DRC5: variants seen among roughly 807,000 people sequenced by gnomAD.
The protein encoded by DRC5 is dynein regulatory complex subunit 5.
chr6:44,289,621 C>T, the DRC5 span, among the ~76,000 whole-genome samples: 1 of 152,182 alleles, frequency 6.6e-6, no homozygotes, highest in Non-Finnish European at 1.5e-5. Context: ...AGGTCCCTTC[C>T]CTTCCATCTC....
the DRC5 span, among the ~76,000 whole-genome samples, chr6:44,283,760 C>A: frequency 6.6e-6 from 1 of 152,364 alleles, no homozygotes; most frequent in South Asian, 2.1e-4. Flanking sequence ...GCATGCCAAT[C>A]TAACTATATT....
At chr6:44,289,010 A>AAG in the DRC5 span, among the ~76,000 whole-genome samples, 11 of 144,252 alleles carry the variant, frequency 7.6e-5, no homozygotes, top group East Asian at 4.0e-4. Flanking sequence ...AAAAAAAAAA[A>AAG]AAAAAAAAAA....
At chr6:44,286,094 T>A in the DRC5 span, 10 of 1,614,134 alleles carry the variant, frequency 6.2e-6, no homozygotes, top group Non-Finnish European at 8.5e-6. Context: ...CTCCTCCAGG[T>A]GGCTCAGGCC....
At chr6:44,292,605 A>T in the DRC5 span, among the ~76,000 whole-genome samples, 1 of 151,812 alleles carries the variant, frequency 6.6e-6, no homozygotes, top group Non-Finnish European at 1.5e-5. Flanking sequence ...CTGGCTTCTG[A>T]TAATAGATTC....
chr6:44,293,222 G>A, the DRC5 span, among the ~76,000 whole-genome samples: 2 of 151,236 alleles, frequency 1.3e-5, no homozygotes, highest in South Asian at 2.1e-4. Context: ...ATCTCTCCAG[G>A]GCTGGGACAG....
the DRC5 span, chr6:44,287,315 G>T: frequency 1.2e-6 from 1 of 842,174 alleles, no homozygotes; most frequent in Non-Finnish European, 1.4e-6. Context: ...GAGGGCAGAG[G>T]CATGGAGGGT....
chr6:44,285,522 T>C, the DRC5 span, among the ~76,000 whole-genome samples: 3 of 152,344 alleles, frequency 2.0e-5, no homozygotes, highest in African/African-American at 7.2e-5. Context: ...CCTCAGTCTC[T>C]GGAAGACTAC....
At chr6:44,292,617 G>A in the DRC5 span, among the ~76,000 whole-genome samples, 1 of 152,160 alleles carries the variant, frequency 6.6e-6, no homozygotes, top group Non-Finnish European at 1.5e-5. Flanking sequence ...AATAGATTCT[G>A]GCCAAAAGGA....
the DRC5 span, chr6:44,297,636 C>T: frequency 6.6e-6 from 1 of 152,244 alleles, no homozygotes; most frequent in African/African-American, 2.4e-5. Flanking sequence ...GCTGGGTGTC[C>T]CCACTCCCGG....
chr6:44,286,229 T>A, the DRC5 span: 1 of 1,612,106 alleles, frequency 6.2e-7, no homozygotes, highest in Non-Finnish European at 8.5e-7. Context: ...AAGGAACTGA[T>A]CGACGTGGAC....
At chr6:44,286,622 AG>A in the DRC5 span, 1 of 1,186,872 alleles carries the variant, frequency 8.4e-7, no homozygotes, top group South Asian at 1.4e-5. Flanking sequence ...TGGGAGCACC[AG>A]GCAAAGGAGA....
chr6:44,286,522 G>C, the DRC5 span: 1 of 1,611,364 alleles, frequency 6.2e-7, no homozygotes, highest in South Asian at 1.1e-5. Flanking sequence ...TCTGCTTCAG[G>C]ATAGGGTTTT....
the DRC5 span, chr6:44,282,519 G>C: frequency 6.2e-7 from 1 of 1,601,930 alleles, no homozygotes; most frequent in Non-Finnish European, 8.5e-7. Context: ...TATGATGCGT[G>C]CCTTGTCATC....
chr6:44,286,554 C>G, the DRC5 span: 13 of 1,588,856 alleles, frequency 8.2e-6, no homozygotes, highest in East Asian at 6.7e-5. Flanking sequence ...GAGGAAGGAG[C>G]GCAGGGGGTC....
At chr6:44,288,004 A>G in the DRC5 span, 2 of 720,396 alleles carry the variant, frequency 2.8e-6, no homozygotes, top group South Asian at 4.3e-5. Flanking sequence ...AATAGTGCTT[A>G]ACGATCAGTC....
At chr6:44,287,656 T>C in the DRC5 span, 3 of 1,614,128 alleles carry the variant, frequency 1.9e-6, no homozygotes, top group Admixed American at 1.7e-5. Flanking sequence ...CCGACGGATA[T>C]TGGCCCTGGG....
chr6:44,283,116 C>T, the DRC5 span, among the ~76,000 whole-genome samples: 109,196 of 152,076 alleles, frequency 0.72, 40,399 homozygotes, highest in Non-Finnish European at 0.81. Context: ...GGGTCTTTCA[C>T]AACCATTATC....
At chr6:44,292,827 A>C in the DRC5 span, among the ~76,000 whole-genome samples, 1 of 152,056 alleles carries the variant, frequency 6.6e-6, no homozygotes, top group Non-Finnish European at 1.5e-5. Flanking sequence ...CCTGGGGGAG[A>C]CCAGCAGAAA....
the DRC5 span, among the ~76,000 whole-genome samples, chr6:44,295,720 C>T: frequency 6.6e-6 from 1 of 152,164 alleles, no homozygotes; most frequent in Non-Finnish European, 1.5e-5. Flanking sequence ...TAGCAGGAGG[C>T]AGGACAGCAG....
Sources: allele counts gnomAD v4.1 joint callset (sites outside exome capture counted in the v4.1 genomes callset), GRCh38; gene constraint gnomAD v4.1.1; transcripts MANE v1.5; gene names NCBI Gene and HGNC (gene_info 2026-07-23, HGNC 2026-07-21).